The following TLCD3B variants were observed in gnomAD, a reference collection of about 807,000 sequenced individuals.
TLCD3B encodes the protein TLC domain containing 3B, also known as ceramide synthase.
In TLCD3B, 9 loss-of-function variants were observed where a neutral mutation model predicts 23.0. That is an observed-to-expected ratio of 0.39 (90% CI 0.24 to 0.68). The LOEUF (loss-of-function observed/expected upper bound fraction) is 0.68, where lower values mean the gene tolerates loss of function less well. Ranked by LOEUF, TLCD3B falls within the 30% of genes least tolerant of loss-of-function variation. The probability of loss-of-function intolerance (pLI) is 0.44; values close to 1 mark genes in which losing one functional copy is unlikely to be tolerated. For missense variants in TLCD3B, 307 were observed against 371.8 expected, an observed-to-expected ratio of 0.83 and a Z score of 1.43; for synonymous variants, 161 against 161.0, an observed-to-expected ratio of 1.00 and a Z score of 0.00.
intron 3 of TLCD3B, among the ~76,000 whole-genome samples, chr16:30,038,081 C>T (rs544299888): frequency 1.4e-4 from 22 of 152,226 alleles, no homozygotes; most frequent in African/African-American, 4.8e-4. Context: ...TAAACATTCT[C>T]GAGGCATCCT....
At chr16:30,027,545 G>A (rs1254897884) in intron 2 of TLCD3B, 5 of 455,910 alleles carry the variant, frequency 1.1e-5, no homozygotes, top group African/African-American at 6.0e-5. Flanking sequence ...TCTTGTCAGC[G>A]CTGTTCGCCC....
Position 30,040,133 on chromosome 16 carries a change from C to CAAAAAAAA in TLCD3B, c.-67+854_-67+861dup, listed in dbSNP as rs1205462051. Among the ~76,000 whole-genome samples the CAAAAAAAA allele has an allele frequency of 9.5e-4, 81 of 84,834 alleles. 1 individual carries two copies. Among genetic ancestry groups the CAAAAAAAA allele is most frequent in the East Asian group, 2.8e-3 (9 of 3,242 alleles). The allele number at this position is 84,834 out of a possible 152,430, so 55.7% of individuals were successfully genotyped here. On this transcript the variant is annotated intron_variant, in intron 3 of 6. Transcript: ENST00000561666. ...TGGGCAACACAGCAAGACTTTGTCT[C>CAAAAAAAA]AAAAAAAAAAAAAAATATATATATA... is the stretch of plus-strand genomic sequence containing the variant.
chr16:30,035,036 A>G (rs150144792), upstream of TLCD3B: 306 of 197,446 alleles, frequency 1.5e-3, no homozygotes, highest in African/African-American at 4.2e-3. Context: ...CTCAGCCTCC[A>G]GAGTAGCTGG....
chr16:30,026,527 G>A, intron 3 of TLCD3B, 82 bp downstream of exon 3: 1 of 1,258,956 alleles, frequency 7.9e-7, no homozygotes, highest in Non-Finnish European at 1.1e-6. Flanking sequence ...GCAGACCCGG[G>A]GCTTCCCAGG....
intron 2 of TLCD3B, among the ~76,000 whole-genome samples, chr16:30,044,802 C>T (rs1475749383): frequency 6.6e-6 from 1 of 152,078 alleles, no homozygotes; most frequent in Non-Finnish European, 1.5e-5. Flanking sequence ...AAGATCAGGC[C>T]GGGCGCAGTG....
upstream of TLCD3B, among the ~76,000 whole-genome samples, chr16:30,034,101 C>T (rs1352583043): frequency 6.0e-5 from 9 of 150,486 alleles, no homozygotes; most frequent in Non-Finnish European, 1.3e-4. Flanking sequence ...GGAGAAACCC[C>T]GCCTCTACTG....
chr16:30,031,554 G>A (rs1334882000), upstream of TLCD3B, among the ~76,000 whole-genome samples: 2 of 152,236 alleles, frequency 1.3e-5, no homozygotes, highest in Non-Finnish European at 2.9e-5. Flanking sequence ...CCGGGTCCGA[G>A]CTTTGGGTGG....
At chr16:30,048,697 C>A (rs990639134) in intron 1 of TLCD3B, among the ~76,000 whole-genome samples, 1 of 151,952 alleles carries the variant, frequency 6.6e-6, no homozygotes, top group Non-Finnish European at 1.5e-5. Flanking sequence ...CCCTCTGCCT[C>A]CCCAGTTCAA....
intron 2 of TLCD3B, among the ~76,000 whole-genome samples, chr16:30,044,855 C>T (rs1042306389): frequency 2.6e-5 from 4 of 151,782 alleles, no homozygotes; most frequent in South Asian, 2.1e-4. Flanking sequence ...CGGCGGGCGG[C>T]GGGGGGGTGC....
Position 30,026,670 on chromosome 16 carries a change from T to G in TLCD3B, c.383A>C (p.Lys128Thr). Reference sequence around the variant, plus strand: ...ATGGTGGAGCACCATGAGGAACTCCTTGTGCAGGTAGCCACGCGCTATGGC... The same window carrying G: ...ATGGTGGAGCACCATGAGGAACTCCGTGTGCAGGTAGCCACGCGCTATGGC... ...TWAIARGYLH[K>T]EFLMVLHHAA... is the part of the protein sequence containing the mutation. The change falls in exon 3 of 5, where the codon AAG (lysine) becomes ACG (threonine). Residue 128 changes from lysine (K) to threonine (T), a missense_variant. Coordinates refer to ENST00000380495, the MANE Select transcript of TLCD3B (RefSeq NM_031478.6). 1 of 1,613,832 alleles carries G rather than the reference T, an allele frequency of 6.2e-7. No homozygotes were observed. The highest frequency in any genetic ancestry group is 1.7e-5 in the Admixed American group (1 of 60,008).
At chr16:30,027,591 G>A (rs981667498) in intron 2 of TLCD3B, 2 of 455,978 alleles carry the variant, frequency 4.4e-6, no homozygotes, top group African/African-American at 4.0e-5. Flanking sequence ...TCTATTTTGT[G>A]TTGTTTTTCA....
chr16:30,040,524 GGAGGCGAAGA>G (rs2150993416), intron 3 of TLCD3B, among the ~76,000 whole-genome samples: 1 of 152,148 alleles, frequency 6.6e-6, no homozygotes, highest in South Asian at 2.1e-4. Flanking sequence ...CTGGAGAAAA[GGAGGCGAAGA>G]GAGGGGAAGG....
In TLCD3B at chr16:30,024,597, G is replaced by A. The variant is rs899003943; in HGVS notation, c.*586C>T. 23 of 301,702 alleles carry A rather than the reference G, an allele frequency of 7.6e-5. No individual in the cohort carries two copies. The highest frequency in any genetic ancestry group is 1.1e-4 in the African/African-American group (5 of 46,622). 18.7% of individuals were successfully genotyped at this position (301,702 alleles called of 1,614,324 possible). ...GGACTGGGCGCCCTCGCCTGCCCCC[G>A]GGGTTGTCAGCACTGGGAAGGCTTG... On this transcript the variant is annotated 3_prime_UTR_variant, in exon 5 of 5. Transcript: ENST00000380495.
intron 3 of TLCD3B, among the ~76,000 whole-genome samples, chr16:30,026,183 C>T (rs1239851467): frequency 6.6e-6 from 1 of 150,674 alleles, no homozygotes; most frequent in Non-Finnish European, 1.5e-5. Flanking sequence ...TTCAGTGAGC[C>T]GAGATCACAC....
In TLCD3B at chr16:30,025,147, T is replaced by A; in HGVS notation, c.*36A>T. On this transcript the variant is annotated 3_prime_UTR_variant, in exon 5 of 5. Coordinates refer to ENST00000380495, the MANE Select transcript of TLCD3B (RefSeq NM_031478.6). This position sits in a 1 kb window ranked among gnomAD's most constrained non-coding sequence, Gnocchi z 4.1. ...CCCCAGAGCCCTGTCTCCACGGGGG[T>A]GGGGGTGGGGAGGGGGAGGGTCCCG... 2 of 1,240,306 alleles carry A rather than the reference T, an allele frequency of 1.6e-6. No homozygotes were observed. Among genetic ancestry groups the A allele is most frequent in the Non-Finnish European group, 1.1e-6 (1 of 928,980 alleles). 76.8% of individuals were successfully genotyped at this position (1,240,306 alleles called of 1,614,324 possible).
At chr16:30,036,056 C>A (rs2058679136), upstream of TLCD3B, 1 of 1,151,742 alleles carries the variant, frequency 8.7e-7, no homozygotes, top group Non-Finnish European at 1.1e-6. Flanking sequence ...AGCCACTGCA[C>A]CCAGCTCCTC....
intron 2 of TLCD3B, chr16:30,027,288 C>A: frequency 2.5e-6 from 1 of 408,044 alleles, no homozygotes; most frequent in Admixed American, 2.8e-5. Context: ...CCCATTCCTG[C>A]CTCCTGGGAC....
At chr16:30,049,696 G>A (rs576665785) in intron 1 of TLCD3B, among the ~76,000 whole-genome samples, 3 of 152,246 alleles carry the variant, frequency 2.0e-5, no homozygotes, top group Non-Finnish European at 2.9e-5. Context: ...GGAGGCCGAC[G>A]TGGACAAATC....
intron 3 of TLCD3B, among the ~76,000 whole-genome samples, chr16:30,040,147 AAT>A (rs1192651776): frequency 1.0e-3 from 99 of 95,884 alleles, no homozygotes; most frequent in East Asian, 5.2e-3. Flanking sequence ...AAAAAAAAAA[AAT>A]ATATATATAT....
Sources: allele counts gnomAD v4.1 joint callset (sites outside exome capture counted in the v4.1 genomes callset), GRCh38; gene constraint gnomAD v4.1.1; non-coding constraint Gnocchi (gnomAD v3.1); transcripts MANE v1.5; gene names NCBI Gene and HGNC (gene_info 2026-07-23, HGNC 2026-07-21).